TM9SF3: variants seen among roughly 807,000 people sequenced by gnomAD.
The protein encoded by TM9SF3 is transmembrane 9 superfamily member 3.
In TM9SF3, 14 loss-of-function variants were observed where a neutral mutation model predicts 78.6. The observed-to-expected ratio is 0.18, with a 90% CI of 0.12 to 0.28. TM9SF3 has a LOEUF of 0.28. Among genes scored for constraint, TM9SF3 ranks in the 10% least tolerant of loss-of-function variants. The pLI is 1.00. For missense variants in TM9SF3, 496 were observed against 721.9 expected, an observed-to-expected ratio of 0.69 and a Z score of 3.59; for synonymous variants, 231 against 241.7, an observed-to-expected ratio of 0.96 and a Z score of 0.41.
At chr10:96,534,808 A>G (rs991435942) in intron 9 of TM9SF3, among the ~76,000 whole-genome samples, 2 of 152,210 alleles carry the variant, frequency 1.3e-5, no homozygotes, top group African/African-American at 2.4e-5. Flanking sequence ...TATACCAAAT[A>G]TCAGTATACT....
chr10:96,549,817 T>TAAAAAAAAAAAAAAAAAAAAAAAAA, intron 7 of TM9SF3, among the ~76,000 whole-genome samples: 1 of 140,450 alleles, frequency 7.1e-6, no homozygotes, highest in Non-Finnish European at 1.5e-5. Context: ...TTCTGCATTT[T>TAAAAAAAAAAAAAAAAAAAAAAAAA]AAAAAAAAAA....
intron 14 of TM9SF3, among the ~76,000 whole-genome samples, chr10:96,524,429 G>A (rs1847816116): frequency 2.0e-5 from 3 of 151,662 alleles, no homozygotes; most frequent in Admixed American, 6.6e-5. Flanking sequence ...AATTTTAATG[G>A]TATAATACTA....
intron 9 of TM9SF3, among the ~76,000 whole-genome samples, chr10:96,541,352 T>G (rs1001206492): frequency 2.4e-4 from 36 of 152,132 alleles, no homozygotes; most frequent in African/African-American, 6.8e-4. Context: ...ATAAAAAGTT[T>G]TTAGCTTTCC....
chr10:96,525,170 C>T lies in TM9SF3; in HGVS notation c.1702+2043G>A, dbSNP rs139723327. On this transcript the variant is annotated intron_variant, in intron 14 of 14. Coordinates refer to ENST00000371142, the MANE Select transcript of TM9SF3 (RefSeq NM_020123.4). ...AATGCTGGTGATAATCAAGAAAAAT[C>T]TCAGATAAAATAAAGAGGAGTCCAG... Among the ~76,000 whole-genome samples, 9 of 152,002 alleles carry T rather than the reference C, an allele frequency of 5.9e-5. No individual in the cohort carries two copies. In the East Asian group the frequency reaches 1.5e-3, roughly 26 times the overall value.
chr10:96,580,844 AT>A (rs1848560531), intron 1 of TM9SF3, among the ~76,000 whole-genome samples: 1 of 152,180 alleles, frequency 6.6e-6, no homozygotes, highest in South Asian at 2.1e-4. Flanking sequence ...AATAGGTCCT[AT>A]TACTTCCCCA....
intron 11 of TM9SF3, 64 bp downstream of exon 11, chr10:96,530,476 T>G: frequency 1.2e-5 from 16 of 1,334,690 alleles, no homozygotes; most frequent in Non-Finnish European, 1.7e-5. Context: ...ACATGTTCCC[T>G]AACTCCTAAA....
chr10:96,555,355 A>T (rs556853361), intron 5 of TM9SF3, among the ~76,000 whole-genome samples: 2 of 151,724 alleles, frequency 1.3e-5, no homozygotes, highest in South Asian at 4.2e-4. Flanking sequence ...ATCTACTTCT[A>T]CTCCCCTTAG....
rs1191643087 is a variant in TM9SF3, at chr10:96,586,940, G to GCGGACAGACGCACGGGGCC, written c.-124_-106dup. On this transcript the variant is annotated 5_prime_UTR_variant, in exon 1 of 15. Transcript: ENST00000371142. The stretch of plus-strand genomic sequence containing the variant: ...CGCGGCCGATTCGCATCCACGGGGC[G>GCGGACAGACGCACGGGGCC]CGGACAGACGCACGGGGCCCGGCCC... 50 of 921,782 alleles carry GCGGACAGACGCACGGGGCC rather than the reference G, an allele frequency of 5.4e-5. No individual in the cohort carries two copies. The highest frequency in any genetic ancestry group is 1.9e-5 in the Non-Finnish European group (14 of 734,278). The allele number at this position is 921,782 out of a possible 1,614,324, so 57.1% of individuals were successfully genotyped here.
At chr10:96,525,540 T>C (rs1288014160) in intron 14 of TM9SF3, among the ~76,000 whole-genome samples, 2 of 152,004 alleles carry the variant, frequency 1.3e-5, no homozygotes, top group African/African-American at 4.8e-5. Context: ...CCCAAAGGTG[T>C]CCATAAATGT....
intron 1 of TM9SF3, among the ~76,000 whole-genome samples, chr10:96,580,978 T>G (rs1367208807): frequency 2.0e-5 from 3 of 152,172 alleles, no homozygotes; most frequent in Admixed American, 6.5e-5. Flanking sequence ...CTTCATTCAT[T>G]AAAGAGCAAA....
chr10:96,536,000 G>A (rs1305832202), intron 9 of TM9SF3, among the ~76,000 whole-genome samples: 1 of 152,002 alleles, frequency 6.6e-6, no homozygotes, highest in Non-Finnish European at 1.5e-5. Flanking sequence ...ATGCAAGACT[G>A]ATTAAAGATT....
chr10:96,521,072 G>A lies in TM9SF3; in HGVS notation c.*1191C>T, dbSNP rs1004293288. 13 of 390,056 alleles carry A rather than the reference G, an allele frequency of 3.3e-5. No homozygotes were observed. The highest frequency in any genetic ancestry group is 2.7e-4 in the African/African-American group (13 of 48,432). 24.2% of individuals were successfully genotyped at this position (390,056 alleles called of 1,614,324 possible). A position where few individuals can be genotyped will look rare whatever the true frequency, so the allele number is the denominator to read the frequency against. ...TCCCAGACAGGATTAACAAAATTAA[G>A]TGTCTCTAAATTACAAATTTGGCTC... is the stretch of plus-strand genomic sequence containing the variant. On this transcript the variant is annotated 3_prime_UTR_variant, in exon 15 of 15. Transcript: ENST00000371142.
At chr10:96,583,792 G>C (rs999697364) in intron 1 of TM9SF3, among the ~76,000 whole-genome samples, 3 of 152,162 alleles carry the variant, frequency 2.0e-5, no homozygotes, top group African/African-American at 7.2e-5. Flanking sequence ...CCAGCACTTT[G>C]GGAGGCCGAG....
Position 96,565,994 on chromosome 10 carries a change from T to C in TM9SF3, c.299-568A>G, listed in dbSNP as rs531476629. On this transcript the variant is annotated intron_variant, in intron 2 of 14. Coordinates refer to ENST00000371142, the MANE Select transcript of TM9SF3 (RefSeq NM_020123.4). ...TCACTGTTTATAAATTGCCTTAAAG[T>C]CCCCTCAAGATGAGTCATTTTCCAC... Among the ~76,000 whole-genome samples, 100 of 152,272 alleles carry C rather than the reference T, an allele frequency of 6.6e-4. 1 individual carries two copies. Among genetic ancestry groups the C allele is most frequent in the African/African-American group, 1.4e-3 (57 of 41,546 alleles).
chr10:96,571,372 C>T (rs12219275), intron 2 of TM9SF3, among the ~76,000 whole-genome samples: 25,182 of 152,200 alleles, frequency 0.17, 2,377 homozygotes, highest in Admixed American at 0.29. Context: ...GTGGCACCTT[C>T]CTCTAGAGAA....
chr10:96,527,671 TAGAA>T (rs2134129469), intron 12 of TM9SF3, 175 bp from the exon 13 acceptor site: 1 of 564,132 alleles, frequency 1.8e-6, no homozygotes, highest in Non-Finnish European at 3.0e-6. Flanking sequence ...ATCTAAGAAT[TAGAA>T]AGCTCAATCT....
At chr10:96,527,769 G>GA (rs1847854703) in intron 12 of TM9SF3, among the ~76,000 whole-genome samples, 2 of 151,958 alleles carry the variant, frequency 1.3e-5, no homozygotes, top group Admixed American at 1.3e-4. Flanking sequence ...TGTTTAGAAT[G>GA]GAGCAATGCT....
At chr10:96,560,171 C>A in intron 4 of TM9SF3, 1 of 869,706 alleles carries the variant, frequency 1.1e-6, no homozygotes, top group Non-Finnish European at 1.9e-6. Context: ...CACCTAAATG[C>A]GTGCTGCCAC....
chr10:96,545,906 TC>T, intron 8 of TM9SF3, among the ~76,000 whole-genome samples: 1 of 152,014 alleles, frequency 6.6e-6, no homozygotes, highest in South Asian at 2.1e-4. Flanking sequence ...AATCAATCAA[TC>T]AATCAATCAA....
Sources: gnomAD v4.1 joint callset for allele counts (sites outside exome capture counted in the v4.1 genomes callset) on GRCh38, gnomAD v4.1.1 for gene constraint, MANE v1.5 for transcripts, NCBI Gene and HGNC (gene_info 2026-07-23, HGNC 2026-07-21) for gene names.